CARMIL1: variants seen among roughly 807,000 people sequenced by gnomAD.
The protein encoded by CARMIL1 is capping protein regulator and myosin 1 linker 1.
A neutral mutation model predicts 177.1 loss-of-function variants in CARMIL1; 90 were observed. The ratio of observed to expected loss-of-function variants is 0.51; its 90% CI spans 0.43 to 0.61. The LOEUF (loss-of-function observed/expected upper bound fraction) is 0.61. Ranked by LOEUF, CARMIL1 falls within the 20% of genes least tolerant of loss-of-function variation. CARMIL1 has a pLI of 0.00. For synonymous variants in CARMIL1, 577 were observed against 606.2 expected (o/e 0.95, Z 0.71); for missense variants, 1,380 against 1,667.0 (o/e 0.83, Z 3.00).
At chr6:25,566,965 GAA>G (rs1420767525) in intron 29 of CARMIL1, among the ~76,000 whole-genome samples, 1 of 152,232 alleles carries the variant, frequency 6.6e-6, no homozygotes, top group Non-Finnish European at 1.5e-5. Flanking sequence ...TTGCTGAGGA[GAA>G]AGAGATTAAA....
rs1786159070 is a variant in CARMIL1, at chr6:25,335,850, CA to C, written c.138+50943del. ...CTCTAGTTTCTACATCCTTTGTAGG[CA>C]ATGAAACTCACCTTATATGGAATTG... On this transcript the variant is annotated intron_variant, in intron 2 of 36. Coordinates refer to ENST00000329474, the MANE Select transcript of CARMIL1 (RefSeq NM_017640.6). Among the ~76,000 whole-genome samples the C allele has an allele frequency of 2.0e-5, 3 of 152,214 alleles. No individual in the cohort carries two copies. The South Asian group carries it at 6.2e-4, about 32-fold the overall frequency.
chr6:25,316,034 G>T (rs1344901942), intron 2 of CARMIL1, among the ~76,000 whole-genome samples: 1 of 152,176 alleles, frequency 6.6e-6, no homozygotes, highest in Non-Finnish European at 1.5e-5. Context: ...TTATGACTTG[G>T]TCACAGCTGA....
At position 25,451,989 on chromosome 6, in the gene CARMIL1, C is replaced by CCCCT; in HGVS notation, c.614+1281_614+1282insTCCC. The stretch of plus-strand genomic sequence containing the variant: ...GTCATCTCATCACTAGCATCTTGCC[C>CCCCT]CCCCCTCCCCCCCCCAGAATACTGT... On this transcript the variant is annotated intron_variant, in intron 8 of 36. Coordinates refer to ENST00000329474, the MANE Select transcript of CARMIL1 (RefSeq NM_017640.6). 4 of 66,832 alleles carry CCCCT rather than the reference C, an allele frequency of 6.0e-5. 1 individual carries two copies. The highest frequency in any genetic ancestry group is 3.6e-4 in the South Asian group (2 of 5,562). The allele number at this position is 66,832 out of a possible 1,614,324, so 4.1% of individuals were successfully genotyped here. A position where few individuals can be genotyped will look rare whatever the true frequency, so the allele number is the denominator to read the frequency against.
chr6:25,569,241 A>C (rs548410108), intron 29 of CARMIL1, among the ~76,000 whole-genome samples: 1 of 152,322 alleles, frequency 6.6e-6, no homozygotes, highest in African/African-American at 2.4e-5. Context: ...TCTCTTTAGA[A>C]TTCATTCAGT....
chr6:25,568,759 C>T (rs1769731863), intron 29 of CARMIL1, among the ~76,000 whole-genome samples: 1 of 152,164 alleles, frequency 6.6e-6, no homozygotes, highest in African/African-American at 2.4e-5. Flanking sequence ...TCTAGTTGTG[C>T]ACTGTGTGAC....
At chr6:25,459,252 T>TTCTTTCTTTCTTTCTTTCTCTCTCTC (rs1799850656) in intron 8 of CARMIL1, among the ~76,000 whole-genome samples, 1 of 120,324 alleles carries the variant, frequency 8.3e-6, no homozygotes, top group African/African-American at 3.0e-5. Flanking sequence ...CTTTCTTTCT[T>TTCTTTCTTTCTTTCTTTCTCTCTCTC]TCTTTCTTTC....
At chr6:25,498,990 C>T (rs935754267) in intron 16 of CARMIL1, among the ~76,000 whole-genome samples, 10 of 152,188 alleles carry the variant, frequency 6.6e-5, no homozygotes, top group Non-Finnish European at 1.3e-4. Context: ...CCTCCAGCCT[C>T]CTAACAAGGT....
At chr6:25,375,528 TA>T (rs1243017823) in intron 2 of CARMIL1, among the ~76,000 whole-genome samples, 1 of 152,240 alleles carries the variant, frequency 6.6e-6, no homozygotes, top group African/African-American at 2.4e-5. Flanking sequence ...TTTGGTTACC[TA>T]AATCTCCAGC....
intron 24 of CARMIL1, 83 bp from the exon 25 acceptor site, chr6:25,537,772 C>T (rs75558566): frequency 3.3e-6 from 5 of 1,519,546 alleles, no homozygotes; most frequent in Non-Finnish European, 4.4e-6. Context: ...AAGTTTTTTT[C>T]ATACTCCTTC....
At chr6:25,293,266 GT>G (rs2150149477) in intron 2 of CARMIL1, among the ~76,000 whole-genome samples, 2 of 4,232 alleles carry the variant, frequency 4.7e-4, no homozygotes, top group African/African-American at 1.3e-3. Flanking sequence ...AGGATGCTTG[GT>G]GTGTGTGTGT....
At chr6:25,318,767 G>A (rs571316457) in intron 2 of CARMIL1, among the ~76,000 whole-genome samples, 4 of 152,296 alleles carry the variant, frequency 2.6e-5, no homozygotes, top group South Asian at 2.1e-4. Flanking sequence ...TTAGGAAGGC[G>A]AGTCAGGAAC....
chr6:25,570,002 C>T (rs906666089), intron 29 of CARMIL1, among the ~76,000 whole-genome samples: 2 of 151,584 alleles, frequency 1.3e-5, no homozygotes, highest in East Asian at 3.9e-4. Flanking sequence ...GAGACGGAGT[C>T]TCGCTCTGTG....
intron 2 of CARMIL1, among the ~76,000 whole-genome samples, chr6:25,332,929 CA>C (rs1344783510): frequency 1.3e-5 from 2 of 152,134 alleles, no homozygotes; most frequent in Admixed American, 6.5e-5. Context: ...GTGATTAGTC[CA>C]GGGGGTGGAC....
At chr6:25,471,982 T>G (rs1325360517) in intron 10 of CARMIL1, among the ~76,000 whole-genome samples, 1 of 152,226 alleles carries the variant, frequency 6.6e-6, no homozygotes, top group Non-Finnish European at 1.5e-5. Flanking sequence ...TTTTAATTTT[T>G]GCCAAAATGT....
At chr6:25,581,539 C>A in intron 31 of CARMIL1, 100 bp downstream of exon 31, 1 of 1,124,662 alleles carries the variant, frequency 8.9e-7, no homozygotes, top group Non-Finnish European at 1.2e-6. Flanking sequence ...AACATGAAAG[C>A]TATGGTTAAG....
chr6:25,536,699 G>A (rs1415682750), intron 24 of CARMIL1, among the ~76,000 whole-genome samples: 1 of 152,156 alleles, frequency 6.6e-6, no homozygotes, highest in African/African-American at 2.4e-5. Flanking sequence ...CATGGGCTCT[G>A]TAATCAGACC....
chr6:25,415,779 C>G (rs915488095), intron 2 of CARMIL1, among the ~76,000 whole-genome samples: 6 of 152,112 alleles, frequency 3.9e-5, no homozygotes, highest in Non-Finnish European at 4.4e-5. Context: ...AGAATGCATT[C>G]TTTCTTCTGT....
intron 2 of CARMIL1, among the ~76,000 whole-genome samples, chr6:25,384,925 T>C (rs1340997293): frequency 6.6e-6 from 1 of 152,250 alleles, no homozygotes; most frequent in African/African-American, 2.4e-5. Flanking sequence ...GATGTAACAC[T>C]ATTTAATTTC....
chr6:25,347,965 A>G lies in CARMIL1; in HGVS notation c.138+63056A>G, dbSNP rs376236327. Among the ~76,000 whole-genome samples, 8 of 152,344 alleles carry G rather than the reference A, an allele frequency of 5.3e-5. No homozygotes were observed. In the East Asian group the frequency reaches 9.6e-4, roughly 18 times the overall value. On this transcript the variant is annotated intron_variant, in intron 2 of 36. Coordinates refer to ENST00000329474, the MANE Select transcript of CARMIL1 (RefSeq NM_017640.6). ...CTGTGGTGAAGTCATGAGAGTGTAC[A>G]GTAAGTCCTCACTTAATGTCATCGA...
Sources: allele counts gnomAD v4.1 joint callset (sites outside exome capture counted in the v4.1 genomes callset), GRCh38; gene constraint gnomAD v4.1.1; transcripts MANE v1.5; gene names NCBI Gene and HGNC (gene_info 2026-07-23, HGNC 2026-07-21).